Variants in NAV1 observed in about 807,000 individuals in gnomAD.
NAV1 encodes pore membrane and/or filament interacting like protein 3.
A neutral mutation model predicts 175.2 loss-of-function variants in NAV1; 18 were observed. The ratio of observed to expected loss-of-function variants is 0.10; its 90% CI spans 0.07 to 0.15. The LOEUF (loss-of-function observed/expected upper bound fraction) is 0.15, where lower values mean the gene tolerates loss of function less well. Ranked by LOEUF, NAV1 falls within the 10% of genes least tolerant of loss-of-function variation. The probability of loss-of-function intolerance (pLI) is 1.00; values close to 1 mark genes in which losing one functional copy is unlikely to be tolerated. For missense variants in NAV1, 1,731 were observed against 2,436.6 expected (o/e 0.71, Z 6.10); for synonymous variants, 897 against 978.7 (o/e 0.92, Z 1.56).
At chr1:201,818,862 T>C (rs931960956) in intron 29 of NAV1, among the ~76,000 whole-genome samples, 9 of 152,216 alleles carry the variant, frequency 5.9e-5, no homozygotes, top group African/African-American at 2.2e-4. Context: ...ATTTTGACTT[T>C]GTTAAAAACA....
chr1:201,755,508 T>G (rs1674400419), intron 3 of NAV1, among the ~76,000 whole-genome samples: 1 of 152,204 alleles, frequency 6.6e-6, no homozygotes, highest in South Asian at 2.1e-4. Flanking sequence ...TATTTTAGCT[T>G]AACTTAGTTT....
chr1:201,647,580 A>G (rs1669015341), upstream of NAV1, among the ~76,000 whole-genome samples: 1 of 152,018 alleles, frequency 6.6e-6, no homozygotes, highest in Non-Finnish European at 1.5e-5. Flanking sequence ...TCCTTCCCCT[A>G]CAAAGCCCTC....
intron 3 of NAV1, chr1:201,724,244 A>G (rs1236308640): frequency 6.6e-6 from 1 of 152,244 alleles, no homozygotes; most frequent in Non-Finnish European, 1.5e-5. Flanking sequence ...TTCTAAAAAT[A>G]GGAAAGTCTG....
chr1:201,543,226 T>C (rs1319946678), intron 1 of NAV1, among the ~76,000 whole-genome samples: 1 of 152,216 alleles, frequency 6.6e-6, no homozygotes, highest in Non-Finnish European at 1.5e-5. Context: ...GATTTCTTGA[T>C]TTTAGCCTTT....
At chr1:201,784,500 CCCTT>C (rs1676563945) in intron 7 of NAV1, among the ~76,000 whole-genome samples, 1 of 151,902 alleles carries the variant, frequency 6.6e-6, no homozygotes, top group Non-Finnish European at 1.5e-5. Flanking sequence ...GTTTTCCCCT[CCCTT>C]CCCCCTATAT....
intron 15 of NAV1, among the ~76,000 whole-genome samples, chr1:201,802,446 C>T (rs1442608343): frequency 8.1e-6 from 1 of 123,212 alleles, no homozygotes; most frequent in African/African-American, 3.0e-5. Context: ...CACAGCAAGA[C>T]CCTGTCTCAT....
chr1:201,765,381 CTTTTTTTTTTT>C (rs59583786), intron 3 of NAV1, among the ~76,000 whole-genome samples: 3 of 98,616 alleles, frequency 3.0e-5, no homozygotes, highest in African/African-American at 4.0e-5. Context: ...AGGAAATATT[CTTTTTTTTTTT>C]TTTTTTTTTT....
chr1:201,717,456 A>G (rs1180007406), intron 2 of NAV1, among the ~76,000 whole-genome samples: 1 of 152,116 alleles, frequency 6.6e-6, no homozygotes, highest in Non-Finnish European at 1.5e-5. Flanking sequence ...AGTCCAAGCC[A>G]CCCCTTCAAC....
At chr1:201,686,186 C>T (rs1283953231) in intron 1 of NAV1, among the ~76,000 whole-genome samples, 1 of 152,008 alleles carries the variant, frequency 6.6e-6, no homozygotes, top group Non-Finnish European at 1.5e-5. Context: ...AATCCAGGCA[C>T]CCATCTTTAG....
At chr1:201,824,162 A>T (rs751608815) in exon 30 of NAV1, 14 of 152,208 alleles carry the variant, frequency 9.2e-5, no homozygotes, top group African/African-American at 2.4e-4. Flanking sequence ...GCAGTTCCTC[A>T]TCATACTTTA....
At chr1:201,600,506 G>A (rs1667484008) in intron 2 of NAV1, among the ~76,000 whole-genome samples, 1 of 152,206 alleles carries the variant, frequency 6.6e-6, no homozygotes, top group South Asian at 2.1e-4. Context: ...ATAGTAATGT[G>A]CCAGTGTTGA....
intron 1 of NAV1, among the ~76,000 whole-genome samples, chr1:201,674,362 C>T (rs772906208): frequency 9.9e-5 from 15 of 152,040 alleles, no homozygotes; most frequent in South Asian, 2.1e-4. Context: ...CTGTGCCCTT[C>T]TTGGGTTCCT....
intron 3 of NAV1, among the ~76,000 whole-genome samples, chr1:201,722,831 C>T (rs56060518): frequency 2.2e-4 from 34 of 152,298 alleles, no homozygotes; most frequent in Admixed American, 1.8e-3. Flanking sequence ...CCTGGCCAGG[C>T]GCGGTGGCTC....
intron 2 of NAV1, among the ~76,000 whole-genome samples, chr1:201,639,687 G>A (rs564877240): frequency 6.6e-6 from 1 of 152,226 alleles, no homozygotes; most frequent in Admixed American, 6.5e-5. Context: ...GTCTGGAACA[G>A]GCCCTCCCAA....
intron 1 of NAV1, among the ~76,000 whole-genome samples, chr1:201,583,268 C>T (rs1571832322): frequency 1.3e-5 from 2 of 152,264 alleles, no homozygotes; most frequent in South Asian, 2.1e-4. Context: ...CTGTGCTTGT[C>T]GGAGAGGAGA....
chr1:201,777,239 G>A lies in NAV1; in HGVS notation c.1227-3182G>A, dbSNP rs557767145. 5.3e-5 allele frequency among the ~76,000 whole-genome samples: 8 copies of A among 152,336 alleles called. No individual in the cohort carries two copies. In the South Asian group the frequency reaches 1.2e-3, roughly 24 times the overall value. ...GATTCCAGTTTAAGTCAGGTATAGA[G>A]AATCGCCAGGATAATGAAGTGTGGT... On this transcript the variant is annotated intron_variant, in intron 3 of 29. Transcript: ENST00000367296.
intron 1 of NAV1, among the ~76,000 whole-genome samples, chr1:201,545,926 T>C (rs1190206468): frequency 6.6e-6 from 1 of 152,212 alleles, no homozygotes. Flanking sequence ...ATAGAATAGG[T>C]CCATAATAAA....
At chr1:201,716,478 C>A (rs10920238) in intron 2 of NAV1, among the ~76,000 whole-genome samples, 70,198 of 151,988 alleles carry the variant, frequency 0.46, 16,357 homozygotes, top group African/African-American at 0.52. Context: ...GGCTTCGGGG[C>A]ACATCGGTTT....
Position 201,782,334 on chromosome 1 carries a change from A to G in NAV1, c.1822A>G (p.Lys608Glu), listed in dbSNP as rs1236084772. The G allele has an allele frequency of 1.2e-6, 2 of 1,614,148 alleles. No individual in the cohort carries two copies. Among genetic ancestry groups the G allele is most frequent in the African/African-American group, 1.3e-5 (1 of 75,050 alleles). ...CTCCACTTCGGGATCCTTTGGCTAC[A>G]AGAAGCCTCCTCCTGCCACAGGCAC... The change falls in exon 6 of 30, where the codon AAG becomes GAG. Residue 608 changes from lysine (K) to glutamate (E), a missense_variant. By Grantham distance (56) the Lys-to-Glu change is moderately conservative. Around this residue, in one of 13 missense-constraint regions of NAV1, gnomAD observed 634 missense variants for 766.8 expected, o/e 0.83. Transcript: ENST00000367296. The surrounding 1 kb of genome is among the most constrained non-coding windows in gnomAD (Gnocchi z 5.4).
Sources: allele counts gnomAD v4.1 joint callset (sites outside exome capture counted in the v4.1 genomes callset), GRCh38; gene constraint gnomAD v4.1.1; regional missense constraint gnomAD v4.1.1; non-coding constraint Gnocchi (gnomAD v3.1); transcripts MANE v1.5; gene names NCBI Gene and HGNC (gene_info 2026-07-23, HGNC 2026-07-21).